Variants in ZNF420 observed in about 807,000 individuals in gnomAD.
The protein encoded by ZNF420 is ATM and p53-associated KZNF protein.
Under a neutral mutation model 44.7 loss-of-function variants are expected in ZNF420, and 31 were observed. The ratio of observed to expected loss-of-function variants is 0.69; its 90% CI spans 0.52 to 0.94. The LOEUF is 0.94. Ranked by LOEUF, ZNF420 falls within the 40% of genes least tolerant of loss-of-function variation. The probability of loss-of-function intolerance (pLI) is 0.00; values close to 1 mark genes in which losing one functional copy is unlikely to be tolerated. For missense variants in ZNF420, 681 were observed against 827.9 expected (o/e 0.82, Z 2.18); for synonymous variants, 245 against 267.4 (o/e 0.92, Z 0.82).
intron 1 of ZNF420, among the ~76,000 whole-genome samples, chr19:37,029,542 T>G (rs1490664901): frequency 3.3e-5 from 5 of 151,960 alleles, no homozygotes; most frequent in Admixed American, 6.6e-5. Context: ...TCTTTTTCTT[T>G]TTTTTCTTTT....
At chr19:37,029,185 C>T (rs1967205032) in intron 1 of ZNF420, among the ~76,000 whole-genome samples, 1 of 152,134 alleles carries the variant, frequency 6.6e-6, no homozygotes. Context: ...ATATTTTGCT[C>T]ATTAGCCATA....
chr19:37,018,133 C>T (rs545194419), intron 1 of ZNF420, among the ~76,000 whole-genome samples: 1 of 152,238 alleles, frequency 6.6e-6, no homozygotes, highest in South Asian at 2.1e-4. Flanking sequence ...AACTACATAT[C>T]ATTCCTGAAA....
Position 37,127,353 on chromosome 19 carries a change from A to G in ZNF420, c.362A>G (p.Asn121Ser), listed in dbSNP as rs771433810. The G allele has an allele frequency of 1.2e-6, 2 of 1,611,758 alleles. No homozygotes were observed. The highest frequency in any genetic ancestry group is 1.1e-5 in the South Asian group (1 of 90,952). Residue 121 changes from asparagine to serine, a missense_variant, in exon 5 of 5, where the codon AAC (asparagine) becomes AGC (serine). Asn to Ser is a conservative substitution (Grantham distance 46, BLOSUM62 1). Transcript: ENST00000337995. Reference sequence around the variant, plus strand: ...ATATATGACAAAATGTCCATTTTCAACCAGCATACTTACTTATCTCAACAT... The same window carrying G: ...ATATATGACAAAATGTCCATTTTCAGCCAGCATACTTACTTATCTCAACAT... Reference protein sequence around the residue: ...MIIYDKMSIFNQHTYLSQHSR... With the variant: ...MIIYDKMSIFSQHTYLSQHSR...
chr19:37,102,015 A>G (rs1969806515), intron 4 of ZNF420, among the ~76,000 whole-genome samples: 1 of 152,208 alleles, frequency 6.6e-6, no homozygotes, highest in Admixed American at 6.5e-5. Flanking sequence ...GCTAGAGCTT[A>G]GACTGGGCCC....
In ZNF420 at chr19:37,129,882, C is replaced by T. The variant is rs1971571727; in HGVS notation, c.*824C>T. On this transcript the variant is annotated 3_prime_UTR_variant, in exon 5 of 5. Coordinates refer to ENST00000337995, the MANE Select transcript of ZNF420 (RefSeq NM_144689.5). ...AATAAATCTAGGAATTTTTTAAAAA[C>T]TTGAATGTATTGCTTTTGAAGTAAA... 1.9e-6 allele frequency: 2 copies of T among 1,078,534 alleles called. No homozygotes were observed. The highest frequency in any genetic ancestry group is 2.5e-6 in the Non-Finnish European group (2 of 801,140). 66.8% of individuals were successfully genotyped at this position (1,078,534 alleles called of 1,614,324 possible).
At chr19:37,109,867 T>A (rs923499772) in intron 4 of ZNF420, 2 of 152,194 alleles carry the variant, frequency 1.3e-5, no homozygotes, top group African/African-American at 4.8e-5. Flanking sequence ...TATAAATGTT[T>A]AAAAAATTTA....
intron 1 of ZNF420, among the ~76,000 whole-genome samples, chr19:37,018,530 G>A (rs1484974431): frequency 6.6e-6 from 1 of 152,076 alleles, no homozygotes; most frequent in Non-Finnish European, 1.5e-5. Flanking sequence ...GGAAAACTGG[G>A]TATCTACATA....
At chr19:37,032,341 C>A (rs1327231065) in intron 1 of ZNF420, among the ~76,000 whole-genome samples, 10 of 149,164 alleles carry the variant, frequency 6.7e-5, no homozygotes, top group Middle Eastern at 3.5e-3. Context: ...AAAAAAAAAA[C>A]CCAAAAAACT....
At chr19:37,044,289 G>A (rs1015407649) in intron 1 of ZNF420, among the ~76,000 whole-genome samples, 17 of 152,180 alleles carry the variant, frequency 1.1e-4, no homozygotes, top group Non-Finnish European at 1.3e-4. Flanking sequence ...GGCCAAGGCA[G>A]GAGGATCACT....
chr19:37,047,779 TA>T (rs1405995573), intron 1 of ZNF420, among the ~76,000 whole-genome samples: 17 of 152,294 alleles, frequency 1.1e-4, no homozygotes, highest in African/African-American at 3.9e-4. Flanking sequence ...TGCAGCAACG[TA>T]AGTATTAATG....
At chr19:37,063,429 T>G (rs1419471595) in intron 1 of ZNF420, among the ~76,000 whole-genome samples, 2 of 152,148 alleles carry the variant, frequency 1.3e-5, no homozygotes, top group African/African-American at 4.8e-5. Flanking sequence ...ACAGATAAAC[T>G]CAAGTCGCAA....
chr19:37,010,410 C>G (rs1035401154), intron 1 of ZNF420, among the ~76,000 whole-genome samples: 3 of 152,134 alleles, frequency 2.0e-5, no homozygotes, highest in Non-Finnish European at 4.4e-5. Flanking sequence ...CCGTGGGCTG[C>G]TCTCTCACTT....
chr19:37,015,511 A>C (rs1243643598), intron 1 of ZNF420, among the ~76,000 whole-genome samples: 1 of 152,190 alleles, frequency 6.6e-6, no homozygotes, highest in African/African-American at 2.4e-5. Flanking sequence ...CGTTGCTGGC[A>C]GGGCAGGAGC....
At chr19:37,091,719 A>G (rs1969158125) in intron 4 of ZNF420, 1 of 152,184 alleles carries the variant, frequency 6.6e-6, no homozygotes, top group South Asian at 2.1e-4. Flanking sequence ...TGAGGTCAGG[A>G]GTTCAAGACT....
intron 1 of ZNF420, among the ~76,000 whole-genome samples, chr19:37,048,778 A>G (rs933988576): frequency 6.6e-6 from 1 of 152,188 alleles, no homozygotes; most frequent in African/African-American, 2.4e-5. Context: ...CAGGTTAGTT[A>G]CATATGTATA....
At chr19:37,122,151 GAC>G (rs1971081755) in intron 4 of ZNF420, among the ~76,000 whole-genome samples, 1 of 152,118 alleles carries the variant, frequency 6.6e-6, no homozygotes, top group South Asian at 2.1e-4. Flanking sequence ...CTGCTATAAA[GAC>G]ACATGCACAC....
chr19:37,009,897 T>A (rs2146365227), intron 1 of ZNF420, among the ~76,000 whole-genome samples: 1 of 152,180 alleles, frequency 6.6e-6, no homozygotes, highest in African/African-American at 2.4e-5. Context: ...AGGACAGGAC[T>A]CCTGCGAGTC....
rs1971595318 is a variant in ZNF420 at position 37,130,279 on chromosome 19, C to T, written c.*1221C>T. On this transcript the variant is annotated 3_prime_UTR_variant, in exon 5 of 5. Coordinates refer to ENST00000337995, the MANE Select transcript of ZNF420 (RefSeq NM_144689.5). ...CATACTAGCTCTGGTCTGCTTGCCT[C>T]CTGTTTCTCTTTAAATAAAATTAAA... The T allele has an allele frequency of 1.4e-6, 2 of 1,414,428 alleles. No homozygotes were observed. The highest frequency in any genetic ancestry group is 1.8e-4 in the Middle Eastern group (1 of 5,452). 87.6% of individuals were successfully genotyped at this position (1,414,428 alleles called of 1,614,324 possible).
chr19:37,116,522 A>G (rs10408085), intron 4 of ZNF420, among the ~76,000 whole-genome samples: 85,063 of 152,088 alleles, frequency 0.56, 25,299 homozygotes, highest in African/African-American at 0.75. Flanking sequence ...AGCTCCCAGC[A>G]TGAACGACGC....
Sources: allele counts gnomAD v4.1 joint callset (sites outside exome capture counted in the v4.1 genomes callset), GRCh38; gene constraint gnomAD v4.1.1; transcripts MANE v1.5; gene names NCBI Gene and HGNC (gene_info 2026-07-23, HGNC 2026-07-21).